The following FRMPD4 variants were observed in gnomAD, a reference collection of about 807,000 sequenced individuals.
The protein encoded by FRMPD4 is FERM and PDZ domain containing 4.
In FRMPD4, 22 loss-of-function variants were observed where a neutral mutation model predicts 94.1. That is an observed-to-expected ratio of 0.23 (90% CI 0.17 to 0.33). The LOEUF is 0.33. Among genes scored for constraint, FRMPD4 ranks in the 10% least tolerant of loss-of-function variants. The pLI, the probability that FRMPD4 is intolerant of heterozygous loss-of-function variation, is 1.00. For synonymous variants in FRMPD4, 631 were observed against 548.6 expected, an observed-to-expected ratio of 1.15 and a Z score of -2.10; for missense variants, 1,111 against 1,339.9, an observed-to-expected ratio of 0.83 and a Z score of 2.67.
At chrX:12,529,131 C>A (rs886286958) in intron 2 of FRMPD4, among the ~76,000 whole-genome samples, 3 of 112,348 alleles carry the variant, frequency 2.7e-5, no homozygotes, top group Non-Finnish European at 3.8e-5. Flanking sequence ...CTTGGAATCT[C>A]ATTTGAAAGT....
intron 3 of FRMPD4, among the ~76,000 whole-genome samples, chrX:11,880,579 A>AT (rs762503933): frequency 3.2e-4 from 36 of 111,488 alleles, no homozygotes; most frequent in African/African-American, 1.0e-3. Context: ...GTCCTGTGCA[A>AT]TTTTTTTTGT....
intron 3 of FRMPD4, among the ~76,000 whole-genome samples, chrX:11,895,600 T>C (rs758436392): frequency 1.4e-3 from 157 of 111,908 alleles, no homozygotes; most frequent in Non-Finnish European, 2.6e-3. Flanking sequence ...TTAAATGAGA[T>C]GGAAATGGGA....
At position 12,289,146 on chromosome X, in the gene FRMPD4, T is replaced by G. The variant is rs200570383; in HGVS notation, c.41+150134T>G. 3.6e-5 allele frequency among the ~76,000 whole-genome samples: 4 copies of G among 111,359 alleles called. No homozygotes were observed. In the East Asian group the frequency reaches 1.1e-3, roughly 31 times the overall value. ...TGGGGTTTCTAGTGCTTGGGGAGAT[T>G]TGTCTTCCCTTCACCTCACCTCATT... On this transcript the variant is annotated intron_variant, in intron 1 of 16. Coordinates refer to ENST00000675598, the MANE Select transcript of FRMPD4 (RefSeq NM_001368397.1).
At chrX:12,611,949 A>G (rs941304317) in intron 3 of FRMPD4, among the ~76,000 whole-genome samples, 4 of 111,387 alleles carry the variant, frequency 3.6e-5, no homozygotes, top group South Asian at 3.8e-4. Context: ...CTAAATTCCT[A>G]CTACCAAGAT....
chrX:12,141,060 T>C (rs1442064045), intron 1 of FRMPD4, among the ~76,000 whole-genome samples: 1 of 112,318 alleles, frequency 8.9e-6, no homozygotes, highest in East Asian at 2.8e-4. Context: ...CATCAGCATG[T>C]AAAAACACAT....
intron 3 of FRMPD4, among the ~76,000 whole-genome samples, chrX:12,046,180 C>A (rs1372686298): frequency 9.0e-6 from 1 of 110,512 alleles, no homozygotes; most frequent in African/African-American, 3.3e-5. Context: ...TTCCATTTAC[C>A]AAAATTGACC....
intron 2 of FRMPD4, among the ~76,000 whole-genome samples, chrX:12,584,311 A>G (rs1250279054): frequency 8.9e-6 from 1 of 112,139 alleles, no homozygotes; most frequent in Non-Finnish European, 1.9e-5. Context: ...GGCTTTACAG[A>G]TGGTGATGAA....
At chrX:12,610,282 C>T (rs1225211445) in intron 3 of FRMPD4, among the ~76,000 whole-genome samples, 3 of 112,387 alleles carry the variant, frequency 2.7e-5, no homozygotes, top group Non-Finnish European at 5.6e-5. Flanking sequence ...TATGCACTCC[C>T]CTCCCTTCTC....
chrX:12,193,765 A>AG (rs1555932558), intron 1 of FRMPD4, among the ~76,000 whole-genome samples: 1 of 13,572 alleles, frequency 7.4e-5, no homozygotes, highest in Non-Finnish European at 1.1e-4. Flanking sequence ...AAAGAAAGAA[A>AG]GAAAGAAAGG....
intron 2 of FRMPD4, among the ~76,000 whole-genome samples, chrX:12,527,554 C>T (rs1172844922): frequency 1.0e-5 from 1 of 95,857 alleles, no homozygotes; most frequent in Non-Finnish European, 2.1e-5. Context: ...CTTTTAGAAT[C>T]TGGCTGTTTT....
intron 1 of FRMPD4, among the ~76,000 whole-genome samples, chrX:12,464,527 C>CT (rs999619563): frequency 7.1e-5 from 8 of 111,986 alleles, no homozygotes; most frequent in Admixed American, 6.6e-4. Flanking sequence ...AACAGATTTT[C>CT]TTTGAAGTTA....
chrX:12,267,263 T>C (rs114780089), intron 1 of FRMPD4, among the ~76,000 whole-genome samples: 2,496 of 111,946 alleles, frequency 0.022, 62 homozygotes, highest in African/African-American at 0.078. Context: ...GAGGGAAAAA[T>C]ACATTTTAAG....
intron 1 of FRMPD4, among the ~76,000 whole-genome samples, chrX:12,216,763 C>T (rs1376548566): frequency 8.9e-6 from 1 of 112,124 alleles, no homozygotes; most frequent in African/African-American, 3.2e-5. Flanking sequence ...TTTTCTCATT[C>T]TGTTAGTAGA....
chrX:12,009,086 C>T (rs1284574385), intron 3 of FRMPD4, among the ~76,000 whole-genome samples: 1 of 111,555 alleles, frequency 9.0e-6, no homozygotes, highest in Non-Finnish European at 1.9e-5. Context: ...TCTCACTGGG[C>T]AGAAATAAGT....
At chrX:12,118,513 G>A (rs913775970) in intron 3 of FRMPD4, among the ~76,000 whole-genome samples, 1 of 112,116 alleles carries the variant, frequency 8.9e-6, no homozygotes, top group African/African-American at 3.2e-5. Context: ...ATTGTCAATG[G>A]AAGCAGAAAG....
At chrX:12,429,949 G>A (rs1434840396) in intron 1 of FRMPD4, among the ~76,000 whole-genome samples, 4 of 111,945 alleles carry the variant, frequency 3.6e-5, no homozygotes, top group Non-Finnish European at 7.5e-5. Flanking sequence ...CACGGGATTC[G>A]AGATGCTGTC....
chrX:12,058,518 G>GT (rs2054867238), intron 3 of FRMPD4, among the ~76,000 whole-genome samples: 1 of 110,854 alleles, frequency 9.0e-6, no homozygotes, highest in Admixed American at 9.7e-5. Flanking sequence ...TCATTGCAAG[G>GT]TAAGTAGGAA....
At chrX:12,158,011 AAATC>A (rs1017317910) in intron 1 of FRMPD4, among the ~76,000 whole-genome samples, 1 of 112,184 alleles carries the variant, frequency 8.9e-6, no homozygotes, top group African/African-American at 3.2e-5. Context: ...GGGGAAATAA[AAATC>A]AGAAGAAAGG....
At chrX:12,563,927 T>C (rs911494879) in intron 2 of FRMPD4, among the ~76,000 whole-genome samples, 2 of 112,420 alleles carry the variant, frequency 1.8e-5, no homozygotes, top group African/African-American at 6.5e-5. Context: ...TTCAGACTGT[T>C]ATAAGAAATA....
Sources: gnomAD v4.1 joint callset for allele counts (sites outside exome capture counted in the v4.1 genomes callset) on GRCh38, gnomAD v4.1.1 for gene constraint, MANE v1.5 for transcripts, NCBI Gene and HGNC (gene_info 2026-07-23, HGNC 2026-07-21) for gene names.